The following RASAL2 variants were observed in gnomAD, a reference collection of about 807,000 sequenced individuals.
RASAL2 encodes RAS protein activator like 2.
In RASAL2, 58 loss-of-function variants were observed where a neutral mutation model predicts 128.9. The ratio of observed to expected loss-of-function variants is 0.45; its 90% CI spans 0.36 to 0.56. The LOEUF is 0.56. RASAL2 is among the 20% of genes least tolerant of loss of function. RASAL2 has a pLI of 0.00. For synonymous variants in RASAL2, 561 were observed against 580.8 expected (o/e 0.97, Z 0.49); for missense variants, 1,360 against 1,601.6 (o/e 0.85, Z 2.57).
intron 3 of RASAL2, among the ~76,000 whole-genome samples, chr1:178,349,098 C>T (rs1670313592): frequency 6.6e-6 from 1 of 150,924 alleles, no homozygotes; most frequent in Admixed American, 6.6e-5. Context: ...CGCGCCCGGC[C>T]CGACACCAGG....
intron 9 of RASAL2, 60 bp downstream of exon 9, chr1:178,445,722 C>A: frequency 6.7e-7 from 1 of 1,500,204 alleles, no homozygotes; most frequent in Non-Finnish European, 9.0e-7. Flanking sequence ...AGCTATTTCA[C>A]CCCCATGAGA....
intron 1 of RASAL2, among the ~76,000 whole-genome samples, chr1:178,108,893 G>A (rs1350877196): frequency 6.6e-6 from 1 of 152,156 alleles, no homozygotes; most frequent in East Asian, 1.9e-4. Context: ...ATGTGGGTGA[G>A]CCATTTGAAT....
intron 1 of RASAL2, among the ~76,000 whole-genome samples, chr1:178,131,083 A>C (rs1011805855): frequency 2.0e-4 from 30 of 150,280 alleles, no homozygotes; most frequent in Non-Finnish European, 3.3e-4. Flanking sequence ...AACAAAAAAA[A>C]CCAAAAAAAA....
chr1:178,412,849 A>G (rs973713746), intron 4 of RASAL2, among the ~76,000 whole-genome samples: 54 of 152,112 alleles, frequency 3.6e-4, no homozygotes, highest in African/African-American at 1.3e-3. Flanking sequence ...TTTACCTCCT[A>G]GAGTCCTACC....
rs919439478 is a variant in RASAL2 at position 178,440,194 on chromosome 1, A to G, written c.828+619A>G. 3.6e-4 allele frequency among the ~76,000 whole-genome samples: 54 copies of G among 152,048 alleles called. 1 individual carries two copies. Among genetic ancestry groups the G allele is most frequent in the Admixed American group, 2.6e-4 (4 of 15,226 alleles). On this transcript the variant is annotated intron_variant, in intron 6 of 17. Coordinates refer to ENST00000367649, the MANE Select transcript of RASAL2 (RefSeq NM_170692.4). ...GTTACAAGTAAAATTCAAAAACTAT[A>G]TATACATGTATTTATACATACATAG... is the stretch of plus-strand genomic sequence containing the variant.
chr1:178,376,601 AG>A (rs902589088), intron 3 of RASAL2, among the ~76,000 whole-genome samples: 3 of 152,166 alleles, frequency 2.0e-5, no homozygotes, highest in African/African-American at 7.2e-5. Context: ...AATGGAATGT[AG>A]GGAAGATGGG....
intron 3 of RASAL2, among the ~76,000 whole-genome samples, chr1:178,354,021 G>A (rs1670661937): frequency 6.6e-6 from 1 of 151,540 alleles, no homozygotes; most frequent in Non-Finnish European, 1.5e-5. Context: ...ATTTTTTTCA[G>A]TAAAAGAGAC....
intron 1 of RASAL2, among the ~76,000 whole-genome samples, chr1:178,155,131 A>T (rs552700841): frequency 3.9e-5 from 6 of 152,190 alleles, no homozygotes; most frequent in African/African-American, 1.2e-4. Flanking sequence ...CCAGATTCAT[A>T]ATTATTAATT....
intron 1 of RASAL2, among the ~76,000 whole-genome samples, chr1:178,228,908 T>C (rs957282869): frequency 6.6e-6 from 1 of 152,194 alleles, no homozygotes; most frequent in African/African-American, 2.4e-5. Flanking sequence ...ACAGTATTAA[T>C]TATAAAAATC....
intron 2 of RASAL2, among the ~76,000 whole-genome samples, chr1:178,287,731 T>C (rs1571784576): frequency 6.6e-6 from 1 of 152,290 alleles, no homozygotes; most frequent in East Asian, 1.9e-4. Flanking sequence ...TTCTATGAAG[T>C]AACTCAGGAA....
chr1:178,194,721 C>A, intron 1 of RASAL2: 1 of 176,448 alleles, frequency 5.7e-6, no homozygotes, highest in Admixed American at 5.4e-5. Flanking sequence ...TTTTACCCAA[C>A]GCCGAAGTCT....
intron 1 of RASAL2, 142 bp downstream of exon 1, chr1:178,094,836 T>C (rs1286539653): frequency 9.5e-7 from 1 of 1,054,562 alleles, no homozygotes; most frequent in African/African-American, 1.6e-5. Context: ...TGGGGGTGCA[T>C]TTCTGACAAG....
chr1:178,183,964 G>A (rs1662204972), intron 1 of RASAL2, among the ~76,000 whole-genome samples: 2 of 152,160 alleles, frequency 1.3e-5, no homozygotes. Context: ...CTCACCAGCA[G>A]TTGGTTAGTA....
chr1:178,223,219 C>G (rs909155394), intron 1 of RASAL2, among the ~76,000 whole-genome samples: 1 of 152,028 alleles, frequency 6.6e-6, no homozygotes. Context: ...ATGTTATAGC[C>G]TAGTGGGTAA....
chr1:178,156,892 CTCA>C (rs1345501817), intron 1 of RASAL2, among the ~76,000 whole-genome samples: 1 of 152,016 alleles, frequency 6.6e-6, no homozygotes, highest in East Asian at 1.9e-4. Flanking sequence ...GCATAAAATC[CTCA>C]TCAGTGTTTG....
intron 2 of RASAL2, among the ~76,000 whole-genome samples, chr1:178,287,761 T>C (rs1374867621): frequency 6.6e-6 from 1 of 152,082 alleles, no homozygotes; most frequent in Non-Finnish European, 1.5e-5. Context: ...TCCTCACTCA[T>C]AAGTGGGAGC....
intron 4 of RASAL2, among the ~76,000 whole-genome samples, chr1:178,402,353 G>A (rs1036203987): frequency 1.3e-5 from 2 of 151,690 alleles, no homozygotes; most frequent in Admixed American, 1.3e-4. Flanking sequence ...GCAGTGAGCT[G>A]AGATAACGCC....
chr1:178,431,463 T>C (rs1675895006), intron 5 of RASAL2, among the ~76,000 whole-genome samples: 1 of 152,060 alleles, frequency 6.6e-6, no homozygotes, highest in African/African-American at 2.4e-5. Flanking sequence ...AGATAGCAGG[T>C]AGAAACATGC....
Position 178,443,197 on chromosome 1 carries a change from G to C in RASAL2, c.1450G>C (p.Val484Leu), listed in dbSNP as rs750595185. The change falls in exon 8 of 18, where the codon GTG (valine) becomes CTG (leucine). Residue 484 changes from valine to leucine, a missense_variant. This residue lies in a region of RASAL2 where 617 missense variants were observed against 714.2 expected (regional missense o/e 0.86). Coordinates refer to ENST00000367649, the MANE Select transcript of RASAL2 (RefSeq NM_170692.4). ...TAAAGAGGAGTTGGCTTGTGCCTTA[G>C]TGCACATTCTTCAAAGTACTGGCAG... ...RNKEELACAL[V>L]HILQSTGRAK... 6.2e-7 allele frequency: 1 copy of C among 1,611,906 alleles called. No homozygotes were observed. The highest frequency in any genetic ancestry group is 1.3e-5 in the African/African-American group (1 of 74,876).
Sources: allele counts gnomAD v4.1 joint callset (sites outside exome capture counted in the v4.1 genomes callset), GRCh38; gene constraint gnomAD v4.1.1; regional missense constraint gnomAD v4.1.1; transcripts MANE v1.5; gene names NCBI Gene and HGNC (gene_info 2026-07-23, HGNC 2026-07-21).